Variants in CDK14 observed in about 807,000 individuals in gnomAD.
The protein encoded by CDK14 is cyclin-dependent kinase 14.
In CDK14, 34 loss-of-function variants were observed where a neutral mutation model predicts 60.7. The ratio of observed to expected loss-of-function variants is 0.56; its 90% CI spans 0.43 to 0.75. CDK14 has a LOEUF of 0.75. CDK14 is among the 30% of genes least tolerant of loss of function. The pLI, the probability that CDK14 is intolerant of heterozygous loss-of-function variation, is 0.00. For missense variants in CDK14, 482 were observed against 564.1 expected (o/e 0.85, Z 1.47); for synonymous variants, 197 against 203.7 (o/e 0.97, Z 0.28).
At chr7:91,087,205 A>G (rs1240188059) in intron 12 of CDK14, among the ~76,000 whole-genome samples, 3 of 152,202 alleles carry the variant, frequency 2.0e-5, no homozygotes, top group Non-Finnish European at 4.4e-5. Flanking sequence ...GGGAGACTTT[A>G]TAATACTGGG....
intron 2 of CDK14, among the ~76,000 whole-genome samples, chr7:90,634,250 G>A (rs1055030329): frequency 6.7e-6 from 1 of 150,158 alleles, no homozygotes; most frequent in Non-Finnish European, 1.5e-5. Flanking sequence ...TCATCATTTA[G>A]CATTAGGTAT....
chr7:90,888,049 C>T (rs1361088085), intron 6 of CDK14, among the ~76,000 whole-genome samples: 3 of 152,040 alleles, frequency 2.0e-5, no homozygotes, highest in Admixed American at 2.0e-4. Context: ...TCCAGAATTA[C>T]TGTTTTGAAA....
rs182255784 is a variant in CDK14, at chr7:90,625,935, T to G, written c.123+21686T>G. 1.6e-4 allele frequency among the ~76,000 whole-genome samples: 25 copies of G among 152,370 alleles called. 1 individual carries two copies. The East Asian group carries it at 3.9e-3, about 23-fold the overall frequency. On this transcript the variant is annotated intron_variant, in intron 2 of 14. Coordinates refer to ENST00000380050, the MANE Select transcript of CDK14 (RefSeq NM_001287135.2). ...CACTGTGTGTGGAGGTCTTGCTATT[T>G]AAACAATGATTTCTGAATCTACTTT...
intron 3 of CDK14, among the ~76,000 whole-genome samples, chr7:90,735,899 G>A (rs1484303393): frequency 2.0e-5 from 3 of 152,186 alleles, no homozygotes; most frequent in Non-Finnish European, 4.4e-5. Context: ...CAGCTAGCTC[G>A]GTGTCTGCCC....
intron 11 of CDK14, among the ~76,000 whole-genome samples, chr7:91,065,017 C>T (rs1202229865): frequency 6.6e-6 from 1 of 152,086 alleles, no homozygotes; most frequent in Non-Finnish European, 1.5e-5. Context: ...TGACTAACCC[C>T]ACAATGTTAT....
chr7:91,060,723 T>A (rs866594695), intron 11 of CDK14, among the ~76,000 whole-genome samples: 2 of 152,360 alleles, frequency 1.3e-5, no homozygotes, highest in South Asian at 2.1e-4. Flanking sequence ...TGTTGAACAT[T>A]GGCCCCCACT....
intron 14 of CDK14, among the ~76,000 whole-genome samples, chr7:91,153,081 C>A (rs1341967395): frequency 1.3e-5 from 2 of 152,244 alleles, no homozygotes; most frequent in East Asian, 3.9e-4. Flanking sequence ...TGGATCAGGG[C>A]AGCATAGCTA....
At position 90,654,881 on chromosome 7, in the gene CDK14, G is replaced by A. The variant is rs997706550; in HGVS notation, c.123+50632G>A. 7.2e-5 allele frequency among the ~76,000 whole-genome samples: 11 copies of A among 152,002 alleles called. No homozygotes were observed. The East Asian group carries it at 9.6e-4, about 13-fold the overall frequency. On this transcript the variant is annotated intron_variant, in intron 2 of 14. Transcript: ENST00000380050. ...ATTAGGGTTCACTCTGTGTTGTGCC[G>A]TTCTCTGGGTTTTGACAAATGAATG... is the stretch of plus-strand genomic sequence containing the variant.
At chr7:90,776,372 A>G (rs1805044473) in intron 4 of CDK14, among the ~76,000 whole-genome samples, 1 of 152,204 alleles carries the variant, frequency 6.6e-6, no homozygotes, top group South Asian at 2.1e-4. Context: ...TTTCTCTTCA[A>G]AGTCCTGAGA....
chr7:90,819,552 G>A (rs1450005341), intron 5 of CDK14, among the ~76,000 whole-genome samples: 1 of 151,548 alleles, frequency 6.6e-6, no homozygotes, highest in East Asian at 1.9e-4. Context: ...ATTACTGTAG[G>A]CCTGGTTGAG....
chr7:90,843,529 A>G (rs1012112292), intron 5 of CDK14, among the ~76,000 whole-genome samples: 2 of 152,206 alleles, frequency 1.3e-5, no homozygotes, highest in African/African-American at 4.8e-5. Flanking sequence ...AGGAAAAACA[A>G]TACATCTAAT....
At chr7:91,145,601 T>C (rs1274543918) in intron 14 of CDK14, among the ~76,000 whole-genome samples, 2 of 152,248 alleles carry the variant, frequency 1.3e-5, no homozygotes, top group African/African-American at 4.8e-5. Context: ...CTCAATTTTC[T>C]GTGTTAATGG....
At chr7:91,048,936 G>A (rs1797311993) in intron 11 of CDK14, among the ~76,000 whole-genome samples, 1 of 152,058 alleles carries the variant, frequency 6.6e-6, no homozygotes, top group South Asian at 2.1e-4. Flanking sequence ...CTGCAGTGGT[G>A]CGATTACAAC....
chr7:91,160,867 T>G (rs1801150554), intron 14 of CDK14, among the ~76,000 whole-genome samples: 1 of 152,334 alleles, frequency 6.6e-6, no homozygotes. Flanking sequence ...CTCATTTCTT[T>G]ATTCTATAAT....
chr7:91,129,379 G>A (rs1182499076), intron 14 of CDK14, among the ~76,000 whole-genome samples: 1 of 152,136 alleles, frequency 6.6e-6, no homozygotes, highest in Non-Finnish European at 1.5e-5. Context: ...TTCTTGATGA[G>A]GAAGTTAAAA....
intron 5 of CDK14, among the ~76,000 whole-genome samples, chr7:90,843,605 G>A (rs1365320758): frequency 6.6e-6 from 1 of 152,126 alleles, no homozygotes; most frequent in African/African-American, 2.4e-5. Flanking sequence ...TGGGGCTGTG[G>A]CAGGGAATTC....
At chr7:90,923,259 A>G (rs1363939669) in intron 8 of CDK14, among the ~76,000 whole-genome samples, 1 of 151,672 alleles carries the variant, frequency 6.6e-6, no homozygotes, top group Non-Finnish European at 1.5e-5. Flanking sequence ...ACAGGCGCCC[A>G]CCACCACTCC....
intron 5 of CDK14, among the ~76,000 whole-genome samples, chr7:90,858,389 G>A (rs1302690269): frequency 2.6e-5 from 4 of 152,174 alleles, no homozygotes; most frequent in Non-Finnish European, 1.5e-5. Context: ...AACGGTTAAA[G>A]AAAATCCTGT....
At chr7:91,017,227 T>C (rs1796324363) in intron 10 of CDK14, among the ~76,000 whole-genome samples, 1 of 152,174 alleles carries the variant, frequency 6.6e-6, no homozygotes, top group Non-Finnish European at 1.5e-5. Flanking sequence ...CTCTTTAAGA[T>C]ATATAAAGGA....
Sources: allele counts gnomAD v4.1 joint callset (sites outside exome capture counted in the v4.1 genomes callset), GRCh38; gene constraint gnomAD v4.1.1; transcripts MANE v1.5; gene names NCBI Gene and HGNC (gene_info 2026-07-23, HGNC 2026-07-21).